The following GSE1 variants were observed in gnomAD, a reference collection of about 807,000 sequenced individuals.
GSE1 encodes Gse1 coiled-coil protein.
A neutral mutation model predicts 112.6 loss-of-function variants in GSE1; 32 were observed. The ratio of observed to expected loss-of-function variants is 0.28; its 90% confidence interval spans 0.21 to 0.38. The LOEUF (loss-of-function observed/expected upper bound fraction) is 0.38, where lower values mean the gene tolerates loss of function less well. Among genes scored for constraint, GSE1 ranks in the 10% least tolerant of loss-of-function variants. The pLI is 1.00. For synonymous variants in GSE1, 1,115 were observed against 735.6 expected, an observed-to-expected ratio of 1.52 and a Z score of -8.35; for missense variants, 2,348 against 1,699.2, an observed-to-expected ratio of 1.38 and a Z score of -6.71.
intron 1 of GSE1, among the ~76,000 whole-genome samples, chr16:85,195,477 T>C (rs1014369859): frequency 2.6e-5 from 4 of 152,178 alleles, no homozygotes; most frequent in African/African-American, 9.7e-5. Flanking sequence ...TTAAGTCACT[T>C]GCCTCGAGTC....
chr16:85,193,449 C>CTTT (rs35171946), intron 1 of GSE1, among the ~76,000 whole-genome samples: 22 of 151,190 alleles, frequency 1.5e-4, no homozygotes, highest in African/African-American at 5.1e-4. Context: ...TCACCTGCTT[C>CTTT]TTTTTTTTGT....
rs761745820 is a variant in GSE1, at chr16:85,654,905, T to A, written c.711T>A (p.Pro237=). The A allele has an allele frequency of 1.2e-6, 2 of 1,610,642 alleles. No individual in the cohort carries two copies. The highest frequency in any genetic ancestry group is 1.3e-5 in the African/African-American group (1 of 74,544). ...TTDDLRMSSL[P]PLGLDPATAA... ...ACGACCTCCGCATGTCCTCACTGCCTCCCCTCGGCCTGGACCCGGCCACTG... is the reference window on the plus strand; with the variant it reads ...ACGACCTCCGCATGTCCTCACTGCCACCCCTCGGCCTGGACCCGGCCACTG... Residue 237 remains proline, a synonymous_variant, in exon 5 of 16, where the codon CCT becomes CCA. Transcript: ENST00000253458.
intron 2 of GSE1, among the ~76,000 whole-genome samples, chr16:85,479,695 G>A (rs1597891271): frequency 6.6e-6 from 1 of 152,212 alleles, no homozygotes; most frequent in Non-Finnish European, 1.5e-5. Flanking sequence ...GAAACCTCCT[G>A]TTGGTGCTGG....
chr16:85,652,325 C>T (rs1477404712), intron 3 of GSE1, among the ~76,000 whole-genome samples: 1 of 152,238 alleles, frequency 6.6e-6, no homozygotes, highest in African/African-American at 2.4e-5. Context: ...ACCCCGGTTG[C>T]TGACACCGGC....
intron 1 of GSE1, among the ~76,000 whole-genome samples, chr16:85,172,701 C>T (rs534206533): frequency 6.6e-6 from 1 of 152,210 alleles, no homozygotes; most frequent in Non-Finnish European, 1.5e-5. Context: ...AATCAAACGC[C>T]TGTAGTGGCA....
intron 2 of GSE1, among the ~76,000 whole-genome samples, chr16:85,529,743 G>T (rs1265073686): frequency 6.6e-6 from 1 of 152,198 alleles, no homozygotes; most frequent in African/African-American, 2.4e-5. Flanking sequence ...ACGGAACAGG[G>T]AGGCTTCCGG....
At chr16:85,409,299 C>G (rs1179738813) in intron 2 of GSE1, among the ~76,000 whole-genome samples, 1 of 46,908 alleles carries the variant, frequency 2.1e-5, no homozygotes, top group Non-Finnish European at 4.1e-5. Context: ...CTCACTGTTA[C>G]ACTCAGGGCC....
Position 85,356,900 on chromosome 16 carries a change from G to A in GSE1, c.2284-563G>A, listed in dbSNP as rs551647620. 1.5e-3 allele frequency among the ~76,000 whole-genome samples: 235 copies of A among 152,318 alleles called. 1 individual carries two copies. The highest frequency in any genetic ancestry group is 2.4e-3 in the Admixed American group (36 of 15,310). On this transcript the variant is annotated intron_variant, in intron 1 of 2. Transcript: ENST00000637419. ...ATAACAGCTCAGGATCGCACCAGGT[G>A]CCCGGCGGCCCAGTCTGGAAGAGAG... is the stretch of plus-strand genomic sequence containing the variant.
intron 2 of GSE1, among the ~76,000 whole-genome samples, chr16:85,501,958 GC>G (rs922006134): frequency 4.6e-5 from 7 of 152,246 alleles, no homozygotes; most frequent in African/African-American, 1.7e-4. Flanking sequence ...TTGTTGGGGG[GC>G]AGGGTTGGAG....
At chr16:85,628,496 C>T (rs925407636) in intron 1 of GSE1, among the ~76,000 whole-genome samples, 1 of 152,220 alleles carries the variant, frequency 6.6e-6, no homozygotes, top group African/African-American at 2.4e-5. Flanking sequence ...ACTGAGGTAG[C>T]CTCAGACCCA....
rs1391687319 is a variant in GSE1 at position 85,656,652 on chromosome 16, C to T, written c.1299C>T (p.Thr433=). Residue 433 remains threonine (T), a synonymous_variant, in exon 7 of 16, where the codon ACC becomes ACT. Transcript: ENST00000253458. The part of the protein sequence containing the change: ...EERGKPSEQL[T]PTRAEKLKDA... ...GGGGCAAGCCCTCGGAGCAGCTGAC[C>T]CCAACCCGAGCAGGTACCTGGGCGT... The T allele has an allele frequency of 1.1e-5, 16 of 1,521,808 alleles. No homozygotes were observed. The highest frequency in any genetic ancestry group is 1.4e-5 in the Non-Finnish European group (16 of 1,133,068). The allele number at this position is 1,521,808 out of a possible 1,614,324, so 94.3% of individuals were successfully genotyped here.
exon 1 of GSE1, chr16:85,171,415 C>T (rs529946404): frequency 2.0e-4 from 201 of 985,624 alleles, no homozygotes; most frequent in Non-Finnish European, 2.3e-4. Context: ...CGTGTACCCG[C>T]CTGCCCCTCG....
At chr16:85,188,339 G>C (rs911957131) in intron 1 of GSE1, among the ~76,000 whole-genome samples, 1 of 152,226 alleles carries the variant, frequency 6.6e-6, no homozygotes, top group Non-Finnish European at 1.5e-5. Flanking sequence ...ACAGGCTGTA[G>C]TACATAGTAT....
chr16:85,596,467 C>T (rs932718003), intron 1 of GSE1, among the ~76,000 whole-genome samples: 2 of 152,216 alleles, frequency 1.3e-5, no homozygotes, highest in African/African-American at 4.8e-5. Flanking sequence ...AAGATTCCGC[C>T]TTCAGGTGGC....
chr16:85,500,788 G>A (rs776576051), intron 2 of GSE1, among the ~76,000 whole-genome samples: 16 of 152,104 alleles, frequency 1.1e-4, no homozygotes, highest in Non-Finnish European at 2.2e-4. Context: ...ATAAAGGCCC[G>A]AAGTCCCAGA....
At chr16:85,224,533 G>C (rs1181404332) in intron 1 of GSE1, among the ~76,000 whole-genome samples, 1 of 152,108 alleles carries the variant, frequency 6.6e-6, no homozygotes, top group Non-Finnish European at 1.5e-5. Flanking sequence ...GCAGTATCCA[G>C]ACTCATTCAT....
At position 85,558,156 on chromosome 16, in the gene GSE1, A is replaced by G. The variant is rs558725637; in HGVS notation, c.37+1793A>G. ...GCTATCTCTCCCATGGGAAGATTCC[A>G]GGTAAATGAGGGCTGGGTCTGAGTC... On this transcript the variant is annotated intron_variant, in intron 1 of 2. Transcript: ENST00000635906. Among the ~76,000 whole-genome samples the G allele has an allele frequency of 5.9e-5, 9 of 152,318 alleles. No individual in the cohort carries two copies. In the South Asian group the frequency reaches 1.0e-3, roughly 18 times the overall value.
At chr16:85,198,817 C>A (rs190269813) in intron 1 of GSE1, among the ~76,000 whole-genome samples, 5 of 152,070 alleles carry the variant, frequency 3.3e-5, no homozygotes, top group Admixed American at 2.6e-4. Flanking sequence ...CTCACTTAGT[C>A]GCCCAGGCTG....
At chr16:85,636,688 C>CG (rs35534845) in intron 2 of GSE1, among the ~76,000 whole-genome samples, 181 of 151,748 alleles carry the variant, frequency 1.2e-3, no homozygotes, top group Middle Eastern at 6.8e-3. Context: ...TGGGCCTTCC[C>CG]GGGGGGGGGC....
Sources: allele counts gnomAD v4.1 joint callset (sites outside exome capture counted in the v4.1 genomes callset), GRCh38; gene constraint gnomAD v4.1.1; transcripts MANE v1.5; gene names NCBI Gene and HGNC (gene_info 2026-07-23, HGNC 2026-07-21).